Variants in GLI1 observed in about 807,000 individuals in gnomAD.
GLI1 encodes GLI family zinc finger 1.
In GLI1, 51 loss-of-function variants were observed where a neutral mutation model predicts 87.8. The ratio of observed to expected loss-of-function variants is 0.58; its 90% confidence interval spans 0.46 to 0.73. The LOEUF (loss-of-function observed/expected upper bound fraction) is 0.73, where lower values mean the gene tolerates loss of function less well. GLI1 is among the 30% of genes least tolerant of loss of function. The pLI is 0.00. For synonymous variants in GLI1, 528 were observed against 558.2 expected (o/e 0.95, Z 0.76); for missense variants, 1,292 against 1,437.2 (o/e 0.90, Z 1.63).
Position 57,465,271 on chromosome 12 carries a change from T to A in GLI1, c.534+16T>A. 2 of 1,596,600 alleles carry A rather than the reference T, an allele frequency of 1.3e-6. No individual in the cohort carries two copies. The highest frequency in any genetic ancestry group is 1.7e-6 in the Non-Finnish European group (2 of 1,171,234). On this transcript the variant is annotated intron_variant, in intron 5 of 11. Transcript: ENST00000228682. ...AACTTGCCAGGTGAGAGTCCCCATA[T>A]TGCTACCTGATTTCCCTCAGCTCAG... is the stretch of plus-strand genomic sequence containing the variant.
chr12:57,464,730 C>CG lies in GLI1; in HGVS notation c.251_252insG (p.Ile85HisfsTer74). 1 of 1,613,928 alleles carries CG rather than the reference C, an allele frequency of 6.2e-7. No individual in the cohort carries two copies. Among genetic ancestry groups the CG allele is most frequent in the Non-Finnish European group, 8.5e-7 (1 of 1,179,804 alleles). On this transcript the variant is annotated frameshift_variant, in exon 4 of 12. Transcript: ENST00000228682. LOFTEE classifies it high-confidence loss of function. The stretch of plus-strand genomic sequence containing the variant: ...AAGTTGACCAAGAAGCGGGCACTGT[C>CG]CATCTCACCTCTGTCGGATGCCAGC...
Position 57,471,658 on chromosome 12 carries a change from ATTTTG to A in GLI1, c.2920_2924del (p.Phe974SerfsTer5). The A allele has an allele frequency of 3.7e-6, 6 of 1,611,820 alleles. No homozygotes were observed. Among genetic ancestry groups the A allele is most frequent in the Non-Finnish European group, 5.1e-6 (6 of 1,179,060 alleles). Reference sequence around the variant, plus strand: ...CCCACCCCTTCACCATGCCATGAAAATTTTGTAGTGGGGGCAAATAGGGCTTCACA... The same window carrying A: ...CCCACCCCTTCACCATGCCATGAAAATAGTGGGGGCAAATAGGGCTTCACA... On this transcript the variant is annotated frameshift_variant, in exon 12 of 12. Transcript: ENST00000228682. LOFTEE classifies it high-confidence loss of function. The surrounding 1 kb of genome is among the most constrained non-coding windows in gnomAD (Gnocchi z 4.9).
rs1006883764 is a variant in GLI1, at chr12:57,460,074, T to C, written c.-155T>C. 3 of 58,456 alleles carry C rather than the reference T, an allele frequency of 5.1e-5. No homozygotes were observed. Among genetic ancestry groups the C allele is most frequent in the Admixed American group, 2.1e-4 (1 of 4,858 alleles). The allele number at this position is 58,456 out of a possible 1,614,324, so 3.6% of individuals were successfully genotyped here. A position where few individuals can be genotyped will look rare whatever the true frequency, so the allele number is the denominator to read the frequency against. ...GCCGGCGGGAGGGCTGGGGGCCAGG[T>C]TGGGGGGGTGGGGGTGGCATCGAGG... On this transcript the variant is annotated 5_prime_UTR_variant, in exon 1 of 12. Transcript: ENST00000228682.
intron 1 of GLI1, among the ~76,000 whole-genome samples, chr12:57,461,359 C>T (rs1186605366): frequency 2.6e-5 from 4 of 151,998 alleles, no homozygotes. Context: ...CTGGCATCCC[C>T]GCCCTTGACG....
Position 57,463,682 on chromosome 12 carries a change from C to T in GLI1, c.-10C>T. On this transcript the variant is annotated 5_prime_UTR_variant, in exon 2 of 12. Transcript: ENST00000228682. ...TTCTGCAGTGTCCCCACACCCTCCTCTGAGACGCCATGTTCAACTCGATGA... is the reference window on the plus strand; with the variant it reads ...TTCTGCAGTGTCCCCACACCCTCCTTTGAGACGCCATGTTCAACTCGATGA... 1.9e-6 allele frequency: 3 copies of T among 1,581,522 alleles called. No homozygotes were observed. Among genetic ancestry groups the T allele is most frequent in the African/African-American group, 1.3e-5 (1 of 74,370 alleles).
rs1319057096 is a variant in GLI1, at chr12:57,465,793, C to A, written c.630C>A (p.Pro210=). ...SSPNSTGIQD[P]LLGMLDGRED... Reference sequence around the variant, plus strand: ...GATTGCCTCTCTTGCCCTAGGATCCCCTGTTGGGGATGCTGGATGGGCGGG... The same window carrying A: ...GATTGCCTCTCTTGCCCTAGGATCCACTGTTGGGGATGCTGGATGGGCGGG... Residue 210 remains proline (P), a synonymous_variant, in exon 7 of 12, where the codon CCC becomes CCA. Transcript: ENST00000228682. 2.5e-6 allele frequency: 4 copies of A among 1,614,084 alleles called. No individual in the cohort carries two copies. The South Asian group carries it at 4.4e-5, about 18-fold the overall frequency.
intron 11 of GLI1, among the ~76,000 whole-genome samples, chr12:57,470,074 T>C (rs537426326): frequency 5.9e-4 from 90 of 152,264 alleles, no homozygotes; most frequent in African/African-American, 2.0e-3. Flanking sequence ...ATGCAAAGGC[T>C]ATGATGCGAA....
At chr12:57,464,222 A>G in intron 3 of GLI1, 131 bp downstream of exon 3, 1 of 711,692 alleles carries the variant, frequency 1.4e-6, no homozygotes, top group Non-Finnish European at 2.5e-6. Context: ...AGCACCATCA[A>G]GAAGTCACAG....
At position 57,469,666 on chromosome 12, in the gene GLI1, G is replaced by C. The variant is rs781683841; in HGVS notation, c.1544G>C (p.Arg515Pro). ...QLHQLRPIGTRGLKLPSLSHT... is the reference protein window; with the variant it reads ...QLHQLRPIGTPGLKLPSLSHT... ...CATCAACTCCGGCCAATAGGGACCC[G>C]GGGTCTCAAACTGCCCAGCTTGTCC... The change falls in exon 11 of 12, where the codon CGG becomes CCG. Residue 515 changes from arginine to proline, a missense_variant. Transcript: ENST00000228682. The C allele has an allele frequency of 6.2e-7, 1 of 1,613,738 alleles. No individual in the cohort carries two copies.
Position 57,468,055 on chromosome 12 carries a change from G to A in GLI1, c.1139G>A (p.Arg380Gln), listed in dbSNP as rs1381253752. Residue 380 changes from arginine to glutamine, a missense_variant, in exon 10 of 12, where the codon CGA becomes CAA. This residue lies in a region of GLI1 where 897 missense variants were observed against 1,040.7 expected (regional missense o/e 0.86). Coordinates refer to ENST00000228682, the MANE Select transcript of GLI1 (RefSeq NM_005269.3). ...TKRYTDPSSL[R>Q]KHVKTVHGPD... ...CGCTATACAGATCCTAGCTCGCTGC[G>A]AAAACATGTCAAGACAGTGCATGGT... 1.1e-5 allele frequency: 18 copies of A among 1,614,094 alleles called. No homozygotes were observed. The highest frequency in any genetic ancestry group is 1.7e-5 in the Admixed American group (1 of 60,002).
In GLI1 at chr12:57,464,065, C is replaced by T. The variant is rs770894336; in HGVS notation, c.167C>T (p.Ala56Val). Reference protein sequence around the residue: ...LMSGPHSYGPARETNSCTEGP... With the variant: ...LMSGPHSYGPVRETNSCTEGP... ...TCCGGCCCCCACAGTTATGGGCCAGCCAGAGAGACCAACAGCTGCACCGAG... is the reference window on the plus strand; with the variant it reads ...TCCGGCCCCCACAGTTATGGGCCAGTCAGAGAGACCAACAGCTGCACCGAG... Residue 56 changes from alanine (A) to valine (V), a missense_variant, in exon 3 of 12, where the codon GCC becomes GTC. Transcript: ENST00000228682. 1 of 1,611,756 alleles carries T rather than the reference C, an allele frequency of 6.2e-7. No individual in the cohort carries two copies. The highest frequency in any genetic ancestry group is 8.5e-7 in the Non-Finnish European group (1 of 1,177,840).
At chr12:57,467,545 C>T (rs771953489) in intron 9 of GLI1, 48 bp downstream of exon 9, 8 of 1,458,230 alleles carry the variant, frequency 5.5e-6, no homozygotes, top group Non-Finnish European at 7.5e-6. Flanking sequence ...AGCCACCTAC[C>T]AGGGAGATTC....
In GLI1 at chr12:57,469,612, G is replaced by C; in HGVS notation, c.1490G>C (p.Arg497Pro). 7.4e-6 allele frequency: 12 copies of C among 1,614,066 alleles called. No individual in the cohort carries two copies. The highest frequency in any genetic ancestry group is 1.0e-5 in the Non-Finnish European group (12 of 1,179,988). The change falls in exon 11 of 12, where the codon CGC (arginine) becomes CCC (proline). Residue 497 changes from arginine (R) to proline (P), a missense_variant. By Grantham distance (103) the Arg-to-Pro change is moderately radical (BLOSUM62 -2). Transcript: ENST00000228682. ...GGCACTGGTCTGTCCACTCTTCGCC[G>C]CCTTGAGAACCTCAGGCTGGACCAG... ...IAGTGLSTLR[R>P]LENLRLDQLH...
chr12:57,468,358 T>C (rs933051348), intron 10 of GLI1, 134 bp downstream of exon 10: 1 of 627,716 alleles, frequency 1.6e-6, no homozygotes, highest in Admixed American at 2.9e-5. Flanking sequence ...TCTCTTGTCT[T>C]AGTGTTGCTC....
At position 57,463,949 on chromosome 12, in the gene GLI1, G is replaced by A. The variant is rs1453185362; in HGVS notation, c.101-50G>A. ...ATCAGGTCATGTCTGGGGTTTTAAGGTGAGGTTTATGTATCCTCCATTCCC... is the reference window on the plus strand; with the variant it reads ...ATCAGGTCATGTCTGGGGTTTTAAGATGAGGTTTATGTATCCTCCATTCCC... On this transcript the variant is annotated intron_variant, in intron 2 of 11. Coordinates refer to ENST00000228682, the MANE Select transcript of GLI1 (RefSeq NM_005269.3). 6.5e-6 allele frequency: 9 copies of A among 1,389,704 alleles called. No individual in the cohort carries two copies. In the South Asian group the frequency reaches 1.0e-4, roughly 16 times the overall value. 86.1% of individuals were successfully genotyped at this position (1,389,704 alleles called of 1,614,324 possible).
chr12:57,469,405 G>A lies in GLI1; in HGVS notation c.1309-26G>A, dbSNP rs1458773759. 6.8e-6 allele frequency: 11 copies of A among 1,608,052 alleles called. No individual in the cohort carries two copies. In the South Asian group the frequency reaches 1.1e-4, roughly 16 times the overall value. ...TGAAGGAGCTGTGGGGAAGGGTGTT[G>A]CCCTCAGACCTCATCTTCTCCACAG... On this transcript the variant is annotated intron_variant, in intron 10 of 11. Coordinates refer to ENST00000228682, the MANE Select transcript of GLI1 (RefSeq NM_005269.3).
rs1871926315 is a variant in GLI1, at chr12:57,471,385, A to G, written c.2645A>G (p.Asp882Gly). 1.2e-6 allele frequency: 2 copies of G among 1,609,974 alleles called. No individual in the cohort carries two copies. Among genetic ancestry groups the G allele is most frequent in the Non-Finnish European group, 1.7e-6 (2 of 1,178,132 alleles). ...YLPSEPRPCLDFDSPTHSTGQ... is the reference protein window; with the variant it reads ...YLPSEPRPCLGFDSPTHSTGQ... ...CCTTCAGAACCCAGGCCTTGCCTGGACTTTGATTCCCCCACCCATTCCACA... is the reference window on the plus strand; with the variant it reads ...CCTTCAGAACCCAGGCCTTGCCTGGGCTTTGATTCCCCCACCCATTCCACA... The change falls in exon 12 of 12, where the codon GAC (aspartate) becomes GGC (glycine). Residue 882 changes from aspartate (D) to glycine (G), a missense_variant. Transcript: ENST00000228682. The surrounding 1 kb of genome is among the most constrained non-coding windows in gnomAD (Gnocchi z 4.9).
intron 8 of GLI1, 139 bp from the exon 9 acceptor site, chr12:57,467,194 T>C (rs906057963): frequency 1.1e-5 from 7 of 632,642 alleles, no homozygotes; most frequent in African/African-American, 1.1e-4. Context: ...TCCCCTAGTT[T>C]TGGGAATTCT....
Position 57,464,653 on chromosome 12 carries a change from T to C in GLI1, c.194-20T>C, listed in dbSNP as rs780095472. On this transcript the variant is annotated intron_variant, in intron 3 of 11. Transcript: ENST00000228682. The stretch of plus-strand genomic sequence containing the variant: ...GACATGCCCCTTTACCATATCCGTC[T>C]CCGCTGTCTCCTGCCCCAGGCCCAC... The C allele has an allele frequency of 1.9e-6, 3 of 1,601,698 alleles. No homozygotes were observed. The Admixed American group carries it at 5.0e-5, about 27-fold the overall frequency.
Sources: gnomAD v4.1 joint callset for allele counts (sites outside exome capture counted in the v4.1 genomes callset) on GRCh38, gnomAD v4.1.1 for gene constraint, gnomAD v4.1.1 regional missense constraint, Gnocchi (gnomAD v3.1) non-coding constraint, MANE v1.5 for transcripts, NCBI Gene and HGNC (gene_info 2026-07-23, HGNC 2026-07-21) for gene names.